BROX: variants seen among roughly 807,000 people sequenced by gnomAD.
BROX encodes BRO1 domain-containing protein BROX.
In BROX, 53 loss-of-function variants were observed where a neutral mutation model predicts 61.0. That is an observed-to-expected ratio of 0.87 (90% CI 0.70 to 1.09). The LOEUF is 1.09. BROX is among the 50% of genes least tolerant of loss of function. BROX has a pLI of 0.00. For synonymous variants in BROX, 152 were observed against 160.2 expected (o/e 0.95, Z 0.38); for missense variants, 489 against 472.0 (o/e 1.04, Z -0.33).
In BROX at chr1:222,733,921, T is replaced by C. The variant is rs921747717; in HGVS notation, c.*1207T>C. The stretch of plus-strand genomic sequence containing the variant: ...TTACACTGGTAACTCTCTACTTCTT[T>C]ATTAAAGAAGTTATAGTAAGATGCC... On this transcript the variant is annotated 3_prime_UTR_variant, in exon 13 of 13. Coordinates refer to ENST00000340934, the MANE Select transcript of BROX (RefSeq NM_144695.4). 4 of 152,222 alleles carry C rather than the reference T, an allele frequency of 2.6e-5. No homozygotes were observed. Among genetic ancestry groups the C allele is most frequent in the African/African-American group, 7.2e-5 (3 of 41,460 alleles). 9.4% of individuals were successfully genotyped at this position (152,222 alleles called of 1,614,324 possible).
At chr1:222,723,993 A>G in intron 5 of BROX, 99 bp from the exon 6 acceptor site, 1 of 810,472 alleles carries the variant, frequency 1.2e-6, no homozygotes, top group South Asian at 1.8e-5. Flanking sequence ...AGTGAGAAAC[A>G]TAAATGACTA....
In BROX at chr1:222,724,140, A is replaced by G. The variant is rs1657318923; in HGVS notation, c.450A>G (p.Ala150=). 1 of 1,611,708 alleles carries G rather than the reference A, an allele frequency of 6.2e-7. No individual in the cohort carries two copies. Among genetic ancestry groups the G allele is most frequent in the African/African-American group, 1.3e-5 (1 of 74,838 alleles). The change falls in exon 6 of 13, where the codon GCA becomes GCG. Residue 150 remains alanine, a synonymous_variant. Transcript: ENST00000340934. The part of the protein sequence containing the change: ...AKEVHRSLKI[A]AGIFKHLKES... ...AAGTTCATCGAAGCCTAAAGATTGC[A>G]GCTGGGATTTTTAAACATTTAAAGG...
At position 222,733,037 on chromosome 1, in the gene BROX, C is replaced by A; in HGVS notation, c.*323C>A. 2.9e-5 allele frequency: 5 copies of A among 173,236 alleles called. No individual in the cohort carries two copies. The highest frequency in any genetic ancestry group is 1.3e-4 in the East Asian group (1 of 7,648). The allele number at this position is 173,236 out of a possible 1,614,324, so 10.7% of individuals were successfully genotyped here. ...AGTATAGGCCCGAATCATGTGGTTT[C>A]AGGTATGTTTTTCTTTTTTCTTTTT... On this transcript the variant is annotated 3_prime_UTR_variant, in exon 13 of 13. Coordinates refer to ENST00000340934, the MANE Select transcript of BROX (RefSeq NM_144695.4).
At chr1:222,716,686 T>C (rs897331090) in intron 2 of BROX, among the ~76,000 whole-genome samples, 1 of 152,232 alleles carries the variant, frequency 6.6e-6, no homozygotes, top group Non-Finnish European at 1.5e-5. Context: ...AACACCAGAA[T>C]TGAATAGTCC....
At position 222,727,479 on chromosome 1, in the gene BROX, C is replaced by CT. The variant is rs370166539; in HGVS notation, c.670+228dup. On this transcript the variant is annotated intron_variant, in intron 8 of 12. Transcript: ENST00000340934. The stretch of plus-strand genomic sequence containing the variant: ...AGTGATGTCTCATAAAATTATACAG[C>CT]TTTTTTGCTTAAAATTTTTTTTTAG... Among the ~76,000 whole-genome samples, 543 of 152,214 alleles carry CT rather than the reference C, an allele frequency of 3.6e-3. 4 individuals are homozygous for CT. The highest frequency in any genetic ancestry group is 0.012 in the African/African-American group (495 of 41,514).
chr1:222,723,517 T>C (rs1657261346), intron 5 of BROX, among the ~76,000 whole-genome samples: 1 of 152,208 alleles, frequency 6.6e-6, no homozygotes, highest in South Asian at 2.1e-4. Flanking sequence ...TGACATGCTT[T>C]TGCCATCTTA....
chr1:222,716,567 A>G (rs926952472), intron 2 of BROX, among the ~76,000 whole-genome samples: 1 of 152,248 alleles, frequency 6.6e-6, no homozygotes, highest in African/African-American at 2.4e-5. Context: ...ACTGTGTCAT[A>G]TGGATTTGGA....
intron 2 of BROX, among the ~76,000 whole-genome samples, 182 bp downstream of exon 2, chr1:222,715,982 A>G (rs1287039542): frequency 2.0e-5 from 3 of 152,268 alleles, no homozygotes; most frequent in Non-Finnish European, 1.5e-5. Flanking sequence ...ATTTTAGATC[A>G]GTAAATGAGT....
rs1317122393 is a variant in BROX at position 222,725,507 on chromosome 1, C to T, written c.532C>T (p.Arg178Ter). ...PAEKGRDLESRLIEAYVIQCQ... is the reference protein window; with the variant it reads ...PAEKGRDLES Reference sequence around the variant, plus strand: ...GGAAAAAGGAAGAGATTTAGAGTCACGACTCATAGAAGCATACGTTATTCA... The same window carrying T: ...GGAAAAAGGAAGAGATTTAGAGTCATGACTCATAGAAGCATACGTTATTCA... The change falls in exon 7 of 13, where the codon CGA (arginine) becomes TGA (stop). Residue 178 changes from arginine to a stop codon, truncating the protein, a stop_gained. Coordinates refer to ENST00000340934, the MANE Select transcript of BROX (RefSeq NM_144695.4). LOFTEE classifies it high-confidence loss of function. 12 of 1,613,148 alleles carry T rather than the reference C, an allele frequency of 7.4e-6. No individual in the cohort carries two copies. The highest frequency in any genetic ancestry group is 2.7e-5 in the African/African-American group (2 of 74,858).
chr1:222,729,751 T>A, intron 10 of BROX, 50 bp downstream of exon 10: 1 of 1,533,588 alleles, frequency 6.5e-7, no homozygotes, highest in South Asian at 1.1e-5. Flanking sequence ...ACAAATGACT[T>A]TATCATAAAA....
intron 9 of BROX, 73 bp downstream of exon 9, chr1:222,728,901 T>A: frequency 1.9e-6 from 2 of 1,055,964 alleles, no homozygotes; most frequent in Non-Finnish European, 2.7e-6. Flanking sequence ...GTCTCTCATC[T>A]CACCAGAGTC....
intron 2 of BROX, 26 bp from the exon 3 acceptor site, chr1:222,718,899 T>C: frequency 6.3e-7 from 1 of 1,586,292 alleles, no homozygotes; most frequent in South Asian, 1.1e-5. Context: ...CAGCTAACTT[T>C]ACTGTCTTTT....
rs958945282 is a variant in BROX, at chr1:222,719,665, A to G, written c.305+306A>G. Among the ~76,000 whole-genome samples the G allele has an allele frequency of 2.0e-5, 3 of 152,208 alleles. No individual in the cohort carries two copies. In the South Asian group the frequency reaches 6.2e-4, roughly 32 times the overall value. Reference sequence around the variant, plus strand: ...TTTAGAACCCAAACTGACATTCCGTATGTGCCTACATTCAAGCTGAGCAGA... The same window carrying G: ...TTTAGAACCCAAACTGACATTCCGTGTGTGCCTACATTCAAGCTGAGCAGA... On this transcript the variant is annotated intron_variant, in intron 4 of 12. Coordinates refer to ENST00000340934, the MANE Select transcript of BROX (RefSeq NM_144695.4).
chr1:222,724,248 G>T, intron 6 of BROX, 84 bp downstream of exon 6: 3 of 1,122,402 alleles, frequency 2.7e-6, no homozygotes, highest in Non-Finnish European at 3.8e-6. Flanking sequence ...TATGGGGAAA[G>T]AATTGTTTCA....
intron 4 of BROX, among the ~76,000 whole-genome samples, chr1:222,721,727 T>C (rs17532610): frequency 0.11 from 16,728 of 152,226 alleles, 1,040 homozygotes; most frequent in African/African-American, 0.13. Context: ...AGGACCTTTT[T>C]CTGGAATACT....
chr1:222,712,808 T>C lies in BROX; in HGVS notation c.-151T>C. On this transcript the variant is annotated 5_prime_UTR_variant, in exon 1 of 13. Transcript: ENST00000340934. ...GCCGCCGGGTCACGTGACTCCGGCT[T>C]GGCGCCGTCCTGGTTTTCCGTCACC... is the stretch of plus-strand genomic sequence containing the variant. 7.8e-7 allele frequency: 1 copy of C among 1,288,928 alleles called. No homozygotes were observed. The highest frequency in any genetic ancestry group is 1.2e-5 in the South Asian group (1 of 80,870). 79.8% of individuals were successfully genotyped at this position (1,288,928 alleles called of 1,614,324 possible).
At chr1:222,727,044 A>C (rs1317314020) in intron 7 of BROX, 124 bp from the exon 8 acceptor site, 3 of 697,094 alleles carry the variant, frequency 4.3e-6, no homozygotes, top group Non-Finnish European at 7.3e-6. Context: ...TGCACGTTAA[A>C]ACGTTTAACA....
chr1:222,732,634 C>G lies in BROX; in HGVS notation c.1156C>G (p.Pro386Ala). 6.2e-7 allele frequency: 1 copy of G among 1,612,970 alleles called. No homozygotes were observed. The highest frequency in any genetic ancestry group is 8.5e-7 in the Non-Finnish European group (1 of 1,179,362). ...GTGGTTTTTTTCTCCCTAGACTAAA[C>G]CCAAACCAGAAGAAGAAGTGAAACC... The part of the protein sequence containing the change: ...TKRPKDDSTK[P>A]KPEEEVKPVK... Residue 386 changes from proline to alanine, a missense_variant, in exon 13 of 13, where the codon CCC becomes GCC. Transcript: ENST00000340934.
In BROX at chr1:222,731,366, A is replaced by G. The variant is rs1279163858; in HGVS notation, c.999A>G (p.Gln333=). The G allele has an allele frequency of 1.3e-6, 2 of 1,562,572 alleles. No individual in the cohort carries two copies. The highest frequency in any genetic ancestry group is 1.7e-6 in the Non-Finnish European group (2 of 1,164,912). Residue 333 remains glutamine (Q), a synonymous_variant, in exon 12 of 13, where the codon CAA becomes CAG. Coordinates refer to ENST00000340934, the MANE Select transcript of BROX (RefSeq NM_144695.4). ...CQRENGFIYF[Q]KIPTEAPQLE... is the part of the protein sequence containing the mutation. ...AAATTATTTTTTGCAGTTACTTTCA[A>G]AAAATTCCAACAGAAGCCCCACAGC...
Sources: allele counts gnomAD v4.1 joint callset (sites outside exome capture counted in the v4.1 genomes callset), GRCh38; gene constraint gnomAD v4.1.1; transcripts MANE v1.5; gene names NCBI Gene and HGNC (gene_info 2026-07-23, HGNC 2026-07-21).